Variants in TMEM266 observed in about 807,000 individuals in gnomAD.
TMEM266 encodes the protein Hv1 related protein 1.
TMEM266 carries 33 observed loss-of-function variants against 50.5 expected under a neutral mutation model. The observed-to-expected ratio is 0.65, with a 90% CI of 0.50 to 0.87. TMEM266 has a LOEUF of 0.87. Ranked by LOEUF, TMEM266 falls within the 40% of genes least tolerant of loss-of-function variation. The pLI, the probability that TMEM266 is intolerant of heterozygous loss-of-function variation, is 0.00. For synonymous variants in TMEM266, 310 were observed against 292.3 expected, an observed-to-expected ratio of 1.06 and a Z score of -0.62; for missense variants, 655 against 695.1, an observed-to-expected ratio of 0.94 and a Z score of 0.65.
intron 1 of TMEM266, among the ~76,000 whole-genome samples, chr15:76,123,419 A>G (rs2037372153): frequency 6.6e-6 from 1 of 152,188 alleles, no homozygotes; most frequent in Admixed American, 6.5e-5. Context: ...ATTCTAAAGC[A>G]GGCTTTATGA....
intron 5 of TMEM266, among the ~76,000 whole-genome samples, chr15:76,164,532 G>A (rs2038064372): frequency 1.3e-5 from 2 of 152,062 alleles, no homozygotes; most frequent in Non-Finnish European, 2.9e-5. Flanking sequence ...CCTCACCAGT[G>A]TGAGACTGGT....
chr15:76,144,642 C>A (rs1222458084), intron 3 of TMEM266, among the ~76,000 whole-genome samples: 1 of 152,222 alleles, frequency 6.6e-6, no homozygotes, highest in African/African-American at 2.4e-5. Context: ...ACCCAGGTCA[C>A]CAGTTCAACC....
At chr15:76,063,260 A>T (rs1334252959) in intron 1 of TMEM266, among the ~76,000 whole-genome samples, 1 of 152,194 alleles carries the variant, frequency 6.6e-6, no homozygotes, top group Non-Finnish European at 1.5e-5. Context: ...TTTATATGAT[A>T]AGAAGTGGGG....
intron 9 of TMEM266, among the ~76,000 whole-genome samples, chr15:76,195,863 G>T (rs2038647224): frequency 6.6e-6 from 1 of 152,228 alleles, no homozygotes; most frequent in African/African-American, 2.4e-5. Flanking sequence ...GGGCTTGGAG[G>T]TTCCACAAAG....
intron 8 of TMEM266, among the ~76,000 whole-genome samples, chr15:76,178,971 A>G (rs968183862): frequency 3.9e-5 from 6 of 152,180 alleles, no homozygotes; most frequent in Admixed American, 3.3e-4. Context: ...TGCCCACTCC[A>G]CAGAGCGAAG....
Position 76,204,323 on chromosome 15 carries a change from C to T in TMEM266, c.*8C>T, listed in dbSNP as rs2038803121. 6.3e-7 allele frequency: 1 copy of T among 1,588,582 alleles called. No individual in the cohort carries two copies. Among genetic ancestry groups the T allele is most frequent in the Non-Finnish European group, 8.6e-7 (1 of 1,162,928 alleles). On this transcript the variant is annotated 3_prime_UTR_variant, in exon 11 of 11. Transcript: ENST00000388942. ...AGGGTCCCTGAGGCCTAGAGCCTGC[C>T]ATGGGCTGGGTGAGATGAGGGGAGA... is the stretch of plus-strand genomic sequence containing the variant.
chr15:76,079,162 G>T (rs2036646814), intron 1 of TMEM266, among the ~76,000 whole-genome samples: 1 of 152,124 alleles, frequency 6.6e-6, no homozygotes, highest in Non-Finnish European at 1.5e-5. Flanking sequence ...AGACCAGCCT[G>T]GCCAACATGG....
At chr15:76,138,968 C>T (rs1182526551) in intron 3 of TMEM266, among the ~76,000 whole-genome samples, 2 of 152,148 alleles carry the variant, frequency 1.3e-5, no homozygotes, top group Non-Finnish European at 2.9e-5. Context: ...AGGAACAGGT[C>T]CTAGGGTCAC....
At position 76,157,855 on chromosome 15, in the gene TMEM266, G is replaced by A. The variant is rs576597614; in HGVS notation, c.382+1097G>A. On this transcript the variant is annotated intron_variant, in intron 4 of 10. Transcript: ENST00000388942. ...ATTTAAAAATTTCCCTGGCATAGTGGCACACGCCTGTAGTCCCAGCTCCTC... is the reference window on the plus strand; with the variant it reads ...ATTTAAAAATTTCCCTGGCATAGTGACACACGCCTGTAGTCCCAGCTCCTC... Among the ~76,000 whole-genome samples the A allele has an allele frequency of 1.7e-3, 254 of 152,236 alleles. 2 individuals carry two copies. Among genetic ancestry groups the A allele is most frequent in the Non-Finnish European group, 3.1e-3 (208 of 68,012 alleles).
intron 1 of TMEM266, among the ~76,000 whole-genome samples, chr15:76,103,545 T>C (rs2037036088): frequency 6.6e-6 from 1 of 152,178 alleles, no homozygotes; most frequent in African/African-American, 2.4e-5. Flanking sequence ...TGGGGCAGAC[T>C]AGACATCTAA....
intron 3 of TMEM266, among the ~76,000 whole-genome samples, chr15:76,154,595 A>G (rs2142045554): frequency 6.6e-6 from 1 of 152,108 alleles, no homozygotes; most frequent in South Asian, 2.1e-4. Context: ...CGGGGTTCAC[A>G]TCGACCATCC....
intron 1 of TMEM266, among the ~76,000 whole-genome samples, chr15:76,062,003 A>G (rs2036312762): frequency 6.6e-6 from 1 of 152,182 alleles, no homozygotes; most frequent in South Asian, 2.1e-4. Flanking sequence ...GAATCTCTGC[A>G]TTCAGCTATG....
intron 4 of TMEM266, 100 bp from the exon 5 acceptor site, chr15:76,159,995 G>A: frequency 8.7e-7 from 1 of 1,148,718 alleles, no homozygotes; most frequent in Admixed American, 1.9e-5. Context: ...ATGCAGGCGG[G>A]CCCCGGGGTC....
intron 7 of TMEM266, among the ~76,000 whole-genome samples, chr15:76,172,543 T>G (rs576133587): frequency 1.4e-4 from 22 of 152,172 alleles, no homozygotes; most frequent in Non-Finnish European, 2.4e-4. Context: ...GCGAACACTG[T>G]GGGATTTGGT....
chr15:76,147,905 G>C (rs919589208), intron 3 of TMEM266, among the ~76,000 whole-genome samples: 1 of 152,216 alleles, frequency 6.6e-6, no homozygotes, highest in Non-Finnish European at 1.5e-5. Context: ...CGCGCCAGTA[G>C]TCCCAGCTTC....
chr15:76,183,103 CTTTTTTTTTTTTTTTTT>C lies in TMEM266; in HGVS notation c.768+7443_768+7459del, dbSNP rs71140199. 3.4e-4 allele frequency among the ~76,000 whole-genome samples: 15 copies of C among 44,126 alleles called. 1 individual carries two copies. In the Admixed American group the frequency reaches 4.3e-3, roughly 13 times the overall value. The allele number at this position is 44,126 out of a possible 152,430, so 28.9% of individuals were successfully genotyped here. Reference sequence around the variant, plus strand: ...CCTCCAGGCTGCTTCCATTTTGTGGCTTTTTTTTTTTTTTTTTTTTTTTTTTTTTTGAGATGGAGTCT... The same window carrying C: ...CCTCCAGGCTGCTTCCATTTTGTGGCTTTTTTTTTTTTTGAGATGGAGTCT... On this transcript the variant is annotated intron_variant, in intron 8 of 10. Coordinates refer to ENST00000388942, the MANE Select transcript of TMEM266 (RefSeq NM_152335.3).
At chr15:76,073,168 T>C (rs1171851224) in intron 1 of TMEM266, among the ~76,000 whole-genome samples, 1 of 151,722 alleles carries the variant, frequency 6.6e-6, no homozygotes, top group Non-Finnish European at 1.5e-5. Flanking sequence ...TGACCTCAGG[T>C]GATCCACCTG....
At chr15:76,163,309 G>A (rs2038045492) in intron 5 of TMEM266, among the ~76,000 whole-genome samples, 1 of 152,206 alleles carries the variant, frequency 6.6e-6, no homozygotes. Flanking sequence ...AGGCTGGTTT[G>A]GGCTCCGTTT....
chr15:76,169,901 C>T lies in TMEM266; in HGVS notation c.513+29C>T, dbSNP rs776701382. Reference sequence around the variant, plus strand: ...AAGACCAATGTCCACCCCCAAAGCCCCCACTCTGCCATCCTGGAAGCTGGA... The same window carrying T: ...AAGACCAATGTCCACCCCCAAAGCCTCCACTCTGCCATCCTGGAAGCTGGA... On this transcript the variant is annotated intron_variant, in intron 6 of 10. Transcript: ENST00000388942. 6 of 1,603,120 alleles carry T rather than the reference C, an allele frequency of 3.7e-6. No individual in the cohort carries two copies. In the African/African-American group the frequency reaches 4.0e-5, roughly 11 times the overall value.
Sources: allele counts gnomAD v4.1 joint callset (sites outside exome capture counted in the v4.1 genomes callset), GRCh38; gene constraint gnomAD v4.1.1; transcripts MANE v1.5; gene names NCBI Gene and HGNC (gene_info 2026-07-23, HGNC 2026-07-21).